GPR179: variants seen among roughly 807,000 people sequenced by gnomAD.
GPR179 encodes the protein G protein-coupled receptor 179, also known as probable G protein-coupled receptor 179.
Under a neutral mutation model 70.8 loss-of-function variants are expected in GPR179, and 52 were observed. The ratio of observed to expected loss-of-function variants is 0.73; its 90% CI spans 0.59 to 0.93. The LOEUF (loss-of-function observed/expected upper bound fraction) is 0.93. GPR179 is among the 40% of genes least tolerant of loss of function. GPR179 has a pLI of 0.00. For synonymous variants in GPR179, 1,123 were observed against 1,169.0 expected (o/e 0.96, Z 0.80); for missense variants, 2,734 against 2,966.8 (o/e 0.92, Z 1.82).
In GPR179 at chr17:38,334,888, T is replaced by C. The variant is rs1171795246; in HGVS notation, c.1646-46A>G. On this transcript the variant is annotated intron_variant, in intron 7 of 10. Transcript: ENST00000616987. The surrounding 1 kb of genome is among the most constrained non-coding windows in gnomAD (Gnocchi z 4.7). ...AGAGAGCCGGCACCACCTCAGCAGC[T>C]GTCCCACCCCTTTCTCTGAAAGATG... is the stretch of plus-strand genomic sequence containing the variant. The C allele has an allele frequency of 6.2e-7, 1 of 1,604,586 alleles. No homozygotes were observed. Among genetic ancestry groups the C allele is most frequent in the Non-Finnish European group, 8.5e-7 (1 of 1,174,974 alleles).
intron 1 of GPR179, among the ~76,000 whole-genome samples, chr17:38,342,084 T>C (rs1279741849): frequency 6.6e-6 from 1 of 151,830 alleles, no homozygotes; most frequent in Non-Finnish European, 1.5e-5. Flanking sequence ...ACCACTGCAC[T>C]ATAGCCTGGG....
Position 38,331,117 on chromosome 17 carries a change from C to T in GPR179, c.2452G>A (p.Ala818Thr), listed in dbSNP as rs2037354028. ...EGPPALGFRS[A>T]SAHNLTVGER... ...CCCACCGTCAGGTTGTGGGCGCTGGCTGACCTGAAGCCCAGGGCAGGGGGC... is the reference window on the plus strand; with the variant it reads ...CCCACCGTCAGGTTGTGGGCGCTGGTTGACCTGAAGCCCAGGGCAGGGGGC... The change falls in exon 11 of 11, where the codon GCC becomes ACC. Residue 818 changes from alanine to threonine, a missense_variant. Transcript: ENST00000616987. 1 of 1,603,178 alleles carries T rather than the reference C, an allele frequency of 6.2e-7. No homozygotes were observed. The highest frequency in any genetic ancestry group is 8.5e-7 in the Non-Finnish European group (1 of 1,179,590).
chr17:38,325,606 A>C lies in GPR179; in HGVS notation c.*859T>G, dbSNP rs1024345731. The C allele has an allele frequency of 7.2e-5, 11 of 152,284 alleles. No homozygotes were observed. The highest frequency in any genetic ancestry group is 2.7e-4 in the African/African-American group (11 of 41,442). 9.4% of individuals were successfully genotyped at this position (152,284 alleles called of 1,614,324 possible). A position where few individuals can be genotyped will look rare whatever the true frequency, so the allele number is the denominator to read the frequency against. On this transcript the variant is annotated 3_prime_UTR_variant, in exon 11 of 11. Transcript: ENST00000616987. ...AATGAGCCAGTGAGACGAGCTCTGG[A>C]GACTGGTGAGAGCTAGGGCAGGAAG...
chr17:38,337,629 A>AT lies in GPR179; in HGVS notation c.991+3dup. On this transcript the variant is annotated splice_donor_region_variant and intron_variant, in intron 3 of 10. Transcript: ENST00000616987. ...CATGCCTGGCCCCCACCACACTTACATACCCCCAGAGGGGCTTGCCCCGTA... is the reference window on the plus strand; with the variant it reads ...CATGCCTGGCCCCCACCACACTTACATTACCCCCAGAGGGGCTTGCCCCGTA... 6.2e-7 allele frequency: 1 copy of AT among 1,604,580 alleles called. No individual in the cohort carries two copies. The highest frequency in any genetic ancestry group is 8.5e-7 in the Non-Finnish European group (1 of 1,175,788).
chr17:38,336,270 C>T lies in GPR179; in HGVS notation c.1228-126G>A. On this transcript the variant is annotated intron_variant, in intron 4 of 10. Transcript: ENST00000616987. ...TTCACCCTGTAACACTGGCTCTGCC[C>T]TCTCTGCCCACATCCACGTCCCTTG... The T allele has an allele frequency of 5.5e-6, 4 of 720,834 alleles. No homozygotes were observed. The South Asian group carries it at 6.1e-5, about 11-fold the overall frequency. 44.7% of individuals were successfully genotyped at this position (720,834 alleles called of 1,614,324 possible). A position where few individuals can be genotyped will look rare whatever the true frequency, so the allele number is the denominator to read the frequency against.
chr17:38,340,974 A>C (rs1323188015), intron 1 of GPR179, among the ~76,000 whole-genome samples: 1 of 152,182 alleles, frequency 6.6e-6, no homozygotes, highest in Non-Finnish European at 1.5e-5. Context: ...TAAATTTGTT[A>C]TGCCTTTCTC....
chr17:38,343,615 C>T lies in GPR179; in HGVS notation c.175G>A (p.Ala59Thr), dbSNP rs200157347. The change falls in exon 1 of 11, where the codon GCC (alanine) becomes ACC (threonine). Residue 59 changes from alanine to threonine, a missense_variant. Ala to Thr is a moderately conservative substitution (Grantham distance 58, BLOSUM62 0). Transcript: ENST00000616987. This position sits in a 1 kb window ranked among gnomAD's most constrained non-coding sequence, Gnocchi z 4.2. ...MQVPLEGAEA[A>T]LAYLYSGDAQ... is the part of the protein sequence containing the mutation. ...TCTCCAGAGTAGAGATAAGCGAGGG[C>T]GGCCTCGGCCCCCTCTAGGGGCACC... The T allele has an allele frequency of 6.1e-5, 98 of 1,613,642 alleles. No homozygotes were observed. The Middle Eastern group carries it at 8.2e-4, about 14-fold the overall frequency.
In GPR179 at chr17:38,329,167, C is replaced by T. The variant is rs755233981; in HGVS notation, c.4402G>A (p.Gly1468Arg). 2 of 1,613,940 alleles carry T rather than the reference C, an allele frequency of 1.2e-6. No individual in the cohort carries two copies. Among genetic ancestry groups the T allele is most frequent in the East Asian group, 2.2e-5 (1 of 44,886 alleles). Residue 1468 changes from glycine (G) to arginine (R), a missense_variant, in exon 11 of 11, where the codon GGA (glycine) becomes AGA (arginine). Physicochemically the swap from Gly to Arg is moderately radical, Grantham distance 125. Transcript: ENST00000616987. ...GCTTTCTGGATAGCAGGAGCATCTC[C>T]TGCCTCCCACAGACACACTTCAGCA... ...GIAEVCLWEA[G>R]DAPAIQKAEI...
Position 38,328,118 on chromosome 17 carries a change from G to T in GPR179, c.5451C>A (p.Ile1817=). 6.2e-7 allele frequency: 1 copy of T among 1,613,978 alleles called. No individual in the cohort carries two copies. Residue 1817 remains isoleucine, a synonymous_variant, in exon 11 of 11, where the codon ATC becomes ATA. Coordinates refer to ENST00000616987, the MANE Select transcript of GPR179 (RefSeq NM_001004334.4). ...QEAATSEKAK[I]CPWEVSEGTT... is the part of the protein sequence containing the mutation. ...TTCCTTCACTTACCTCCCAGGGACA[G>T]ATCTTGGCTTTTTCACTGGTAGCAG...
In GPR179 at chr17:38,333,312, T is replaced by C; in HGVS notation, c.1976A>G (p.Tyr659Cys). 1 of 1,614,008 alleles carries C rather than the reference T, an allele frequency of 6.2e-7. No individual in the cohort carries two copies. Among genetic ancestry groups the C allele is most frequent in the Non-Finnish European group, 8.5e-7 (1 of 1,179,934 alleles). ...GGCTGAGGCGATGCTGCTGCCAAGG[T>C]AGGAGCCTGAGTGCTGCAGGTCCAG... Reference protein sequence around the residue: ...DELDLQHSGSYLGSSIASAWS... With the variant: ...DELDLQHSGSCLGSSIASAWS... The change falls in exon 10 of 11, where the codon TAC becomes TGC. Residue 659 changes from tyrosine to cysteine, a missense_variant. By Grantham distance (194) the Tyr-to-Cys change is radical. Coordinates refer to ENST00000616987, the MANE Select transcript of GPR179 (RefSeq NM_001004334.4).
chr17:38,337,110 G>T lies in GPR179; in HGVS notation c.1095C>A (p.Ser365Arg). Residue 365 changes from serine (S) to arginine (R), a missense_variant, in exon 4 of 11, where the codon AGC becomes AGA. Physicochemically the swap from Ser to Arg is moderately radical, Grantham distance 110. Coordinates refer to ENST00000616987, the MANE Select transcript of GPR179 (RefSeq NM_001004334.4). ...CCAGGCACGGTGTGGCATCCATGCAGCTGGTGCAGCCCTCAGGACATGGCA... is the reference window on the plus strand; with the variant it reads ...CCAGGCACGGTGTGGCATCCATGCATCTGGTGCAGCCCTCAGGACATGGCA... ...QCLPCPEGCT[S>R]CMDATPCLVE... 1 of 1,611,830 alleles carries T rather than the reference G, an allele frequency of 6.2e-7. No individual in the cohort carries two copies. The highest frequency in any genetic ancestry group is 8.5e-7 in the Non-Finnish European group (1 of 1,179,264).
In GPR179 at chr17:38,327,653, T is replaced by C. The variant is rs1365504559; in HGVS notation, c.5916A>G (p.Leu1972=). ...TAGGTTGGTCAGGGCGCTGTCTGTC[T>C]AGGTGAGAGACGGAATCTGCTGGGG... The part of the protein sequence containing the change: ...TTAPADSVSH[L]DRQRPDQPKA... Residue 1972 remains leucine (L), a synonymous_variant, in exon 11 of 11, where the codon CTA becomes CTG. Transcript: ENST00000616987. 5 of 1,614,082 alleles carry C rather than the reference T, an allele frequency of 3.1e-6. No homozygotes were observed. Among genetic ancestry groups the C allele is most frequent in the Non-Finnish European group, 4.2e-6 (5 of 1,180,026 alleles).
At position 38,330,238 on chromosome 17, in the gene GPR179, G is replaced by T; in HGVS notation, c.3331C>A (p.Pro1111Thr). Residue 1111 changes from proline (P) to threonine (T), a missense_variant, in exon 11 of 11, where the codon CCC becomes ACC. Coordinates refer to ENST00000616987, the MANE Select transcript of GPR179 (RefSeq NM_001004334.4). ...YREKESVEES[P>T]EGQNSGTAGE... is the part of the protein sequence containing the mutation. ...GCAGTCCCGCTGTTCTGCCCCTCGG[G>T]ACTCTCCTCCACACTCTCCTTCTCT... 6.3e-7 allele frequency: 1 copy of T among 1,581,616 alleles called. No homozygotes were observed. The highest frequency in any genetic ancestry group is 8.6e-7 in the Non-Finnish European group (1 of 1,161,728).
In GPR179 at chr17:38,327,539, A is replaced by G; in HGVS notation, c.6030T>C (p.Ser2010=). The part of the protein sequence containing the change: ...WDVPDAGVYK[S]DSSAKAETCP... ...AGGTCTCAGCCTTGGCACTGCTGTC[A>G]GATTTATACACACCTGCATCAGGAA... Residue 2010 remains serine, a synonymous_variant, in exon 11 of 11, where the codon TCT becomes TCC. Coordinates refer to ENST00000616987, the MANE Select transcript of GPR179 (RefSeq NM_001004334.4). 6.2e-7 allele frequency: 1 copy of G among 1,614,114 alleles called. No individual in the cohort carries two copies. The highest frequency in any genetic ancestry group is 8.5e-7 in the Non-Finnish European group (1 of 1,180,020).
At position 38,328,015 on chromosome 17, in the gene GPR179, G is replaced by T; in HGVS notation, c.5554C>A (p.Leu1852Ile). Residue 1852 changes from leucine (L) to isoleucine (I), a missense_variant, in exon 11 of 11, where the codon CTC (leucine) becomes ATC (isoleucine). Coordinates refer to ENST00000616987, the MANE Select transcript of GPR179 (RefSeq NM_001004334.4). ...QREKALEKGR[L>I]TSLGEDVSKG... is the part of the protein sequence containing the mutation. ...GATACGTCTTCTCCCAGGGAAGTGAGTCTCCCCTTTTCTAGAGCTTTCTCC... is the reference window on the plus strand; with the variant it reads ...GATACGTCTTCTCCCAGGGAAGTGATTCTCCCCTTTTCTAGAGCTTTCTCC... 1 of 1,614,004 alleles carries T rather than the reference G, an allele frequency of 6.2e-7. No individual in the cohort carries two copies. The highest frequency in any genetic ancestry group is 8.5e-7 in the Non-Finnish European group (1 of 1,179,954).
At position 38,330,996 on chromosome 17, in the gene GPR179, T is replaced by C. The variant is rs778888723; in HGVS notation, c.2573A>G (p.Tyr858Cys). The change falls in exon 11 of 11, where the codon TAC becomes TGC. Residue 858 changes from tyrosine to cysteine, a missense_variant. Coordinates refer to ENST00000616987, the MANE Select transcript of GPR179 (RefSeq NM_001004334.4). ...EKALLMASQA[Y>C]LEETYRQAKE... is the part of the protein sequence containing the mutation. ...TGCTTGCCGGTAGGTCTCCTCCAGG[T>C]AGGCCTGGCTGGCCATGAGCAAGGC... is the stretch of plus-strand genomic sequence containing the variant. 5.6e-6 allele frequency: 9 copies of C among 1,611,832 alleles called. No individual in the cohort carries two copies. The African/African-American group carries it at 1.1e-4, about 19-fold the overall frequency.
Position 38,329,263 on chromosome 17 carries a change from G to A in GPR179, c.4306C>T (p.Arg1436Trp), listed in dbSNP as rs147966258. ...TGAATTGAGACTGCTGAGGGGCCCC[G>A]GAAATCTGTACTCTCCCATGGACAA... The part of the protein sequence containing the change: ...SLCPWESTDF[R>W]GPSAVSIQAP... Residue 1436 changes from arginine to tryptophan, a missense_variant, in exon 11 of 11, where the codon CGG (arginine) becomes TGG (tryptophan). Transcript: ENST00000616987. The A allele has an allele frequency of 2.4e-3, 3,810 of 1,613,434 alleles. 18 individuals carry two copies. The highest frequency in any genetic ancestry group is 2.3e-3 in the Non-Finnish European group (2,770 of 1,179,688).
rs1299563535 is a variant in GPR179 at position 38,328,645 on chromosome 17, T to G, written c.4924A>C (p.Ile1642Leu). The change falls in exon 11 of 11, where the codon ATC becomes CTC. Residue 1642 changes from isoleucine to leucine, a missense_variant. Physicochemically the swap from Ile to Leu is conservative, Grantham distance 5. Coordinates refer to ENST00000616987, the MANE Select transcript of GPR179 (RefSeq NM_001004334.4). ...GGGCCGACCGCTTCTTGCTTTTGGA[T>G]CTGCCCCTCAGGCTTTTCCCAAGCT... Reference protein sequence around the residue: ...VTAWEKPEGQIQKQEAVGPWE... With the variant: ...VTAWEKPEGQLQKQEAVGPWE... 1 of 1,614,180 alleles carries G rather than the reference T, an allele frequency of 6.2e-7. No homozygotes were observed. The highest frequency in any genetic ancestry group is 8.5e-7 in the Non-Finnish European group (1 of 1,180,020).
rs200731298 is a variant in GPR179 at position 38,336,136 on chromosome 17, C to G, written c.1236G>C (p.Trp412Cys). 4.3e-5 allele frequency: 69 copies of G among 1,611,482 alleles called. No homozygotes were observed. In the Middle Eastern group the frequency reaches 5.0e-4, roughly 12 times the overall value. ...SYRCRRNKRI[W>C]ASGVVLLETV... ...TTTCCAGCAGGACCACTCCAGATGC[C>G]CAGATCCTCTGTGAAGCAAGGAGAG... Residue 412 changes from tryptophan to cysteine, a missense_variant, in exon 5 of 11, where the codon TGG becomes TGC. Physicochemically the swap from Trp to Cys is radical, Grantham distance 215. Coordinates refer to ENST00000616987, the MANE Select transcript of GPR179 (RefSeq NM_001004334.4).
Sources: allele counts gnomAD v4.1 joint callset (sites outside exome capture counted in the v4.1 genomes callset), GRCh38; gene constraint gnomAD v4.1.1; non-coding constraint Gnocchi (gnomAD v3.1); transcripts MANE v1.5; gene names NCBI Gene and HGNC (gene_info 2026-07-23, HGNC 2026-07-21).